GTF2E2: variants seen among roughly 807,000 people sequenced by gnomAD.
GTF2E2 encodes transcription initiation factor IIE subunit beta.
In GTF2E2, 21 loss-of-function variants were observed where a neutral mutation model predicts 40.5. The ratio of observed to expected loss-of-function variants is 0.52; its 90% CI spans 0.37 to 0.75. The LOEUF (loss-of-function observed/expected upper bound fraction) is 0.75, where lower values mean the gene tolerates loss of function less well. Among genes scored for constraint, GTF2E2 ranks in the 30% least tolerant of loss-of-function variants. The pLI is 0.00. For missense variants in GTF2E2, 298 were observed against 338.4 expected (o/e 0.88, Z 0.94); for synonymous variants, 117 against 121.6 (o/e 0.96, Z 0.25).
intron 5 of GTF2E2, among the ~76,000 whole-genome samples, chr8:30,608,796 C>T (rs1829396136): frequency 6.6e-6 from 1 of 152,218 alleles, no homozygotes; most frequent in African/African-American, 2.4e-5. Flanking sequence ...GTCAACCAGG[C>T]TGGAGTGCAG....
chr8:30,656,067 G>A (rs1802440854), intron 1 of GTF2E2, among the ~76,000 whole-genome samples: 1 of 152,036 alleles, frequency 6.6e-6, no homozygotes, highest in Admixed American at 6.6e-5. Context: ...GCCCACCTCA[G>A]CCTCCCAAAG....
chr8:30,603,169 T>C (rs1829229707), intron 6 of GTF2E2, among the ~76,000 whole-genome samples: 1 of 152,224 alleles, frequency 6.6e-6, no homozygotes, highest in Non-Finnish European at 1.5e-5. Context: ...CCATTAAATA[T>C]TTCTTGAATA....
At chr8:30,621,702 C>T (rs1161847296) in intron 3 of GTF2E2, among the ~76,000 whole-genome samples, 1 of 151,968 alleles carries the variant, frequency 6.6e-6, no homozygotes, top group Admixed American at 6.6e-5. Flanking sequence ...ATTTGGTAAC[C>T]TTACTGAATA....
intron 6 of GTF2E2, among the ~76,000 whole-genome samples, chr8:30,601,275 T>G (rs1829171472): frequency 6.6e-6 from 1 of 152,172 alleles, no homozygotes; most frequent in South Asian, 2.1e-4. Context: ...TCATTCACTG[T>G]GATCTTCTTC....
intron 3 of GTF2E2, among the ~76,000 whole-genome samples, chr8:30,617,450 A>C (rs1165246472): frequency 1.3e-5 from 2 of 152,126 alleles, no homozygotes; most frequent in Admixed American, 1.3e-4. Context: ...CAAGCTACAA[A>C]AGTTAGATAT....
chr8:30,606,840 T>G (rs1829329350), intron 6 of GTF2E2, among the ~76,000 whole-genome samples: 1 of 152,198 alleles, frequency 6.6e-6, no homozygotes, highest in African/African-American at 2.4e-5. Flanking sequence ...ACTGCGATTG[T>G]AAGTATAATT....
chr8:30,629,111 T>C (rs7818291), intron 3 of GTF2E2, among the ~76,000 whole-genome samples: 8,336 of 152,290 alleles, frequency 0.055, 396 homozygotes, highest in African/African-American at 0.13. Context: ...TATATTCATA[T>C]CTTATATTTG....
In GTF2E2 at chr8:30,645,458, T is replaced by C. The variant is rs188901748; in HGVS notation, c.166+7975A>G. 12,968 of 1,535,702 alleles carry C rather than the reference T, an allele frequency of 8.4e-3. 69 individuals are homozygous for C. The highest frequency in any genetic ancestry group is 0.01 in the Non-Finnish European group (11,716 of 1,146,890). ...TTTATATTTACAGTGGTATCTTTAG[T>C]GGTGCTGGCTTTCCTTTATGAAGTG... On this transcript the variant is annotated intron_variant, in intron 2 of 7. Transcript: ENST00000355904.
chr8:30,614,371 G>C (rs28735275), intron 4 of GTF2E2, among the ~76,000 whole-genome samples: 5,908 of 152,224 alleles, frequency 0.039, 393 homozygotes, highest in African/African-American at 0.13. Flanking sequence ...CTTGAGGTCA[G>C]GAGTTCAACA....
intron 1 of GTF2E2, among the ~76,000 whole-genome samples, chr8:30,654,255 T>G (rs925882979): frequency 6.6e-6 from 1 of 152,148 alleles, no homozygotes; most frequent in African/African-American, 2.4e-5. Flanking sequence ...ACCCACAAGA[T>G]TTCAAAGATT....
intron 3 of GTF2E2, among the ~76,000 whole-genome samples, chr8:30,621,594 A>G (rs1247742243): frequency 6.6e-6 from 1 of 152,120 alleles, no homozygotes; most frequent in Admixed American, 6.5e-5. Flanking sequence ...CTTCCTAATT[A>G]TTGGATGACT....
At chr8:30,591,461 G>A (rs958987850) in intron 6 of GTF2E2, among the ~76,000 whole-genome samples, 3 of 151,894 alleles carry the variant, frequency 2.0e-5, no homozygotes, top group African/African-American at 7.3e-5. Flanking sequence ...TCAAGCCCAG[G>A]AAACAGAGTG....
rs1489223640 is a variant in GTF2E2 at position 30,614,603 on chromosome 8, C to T, written c.366+5G>A. On this transcript the variant is annotated splice_donor_5th_base_variant and intron_variant, in intron 4 of 7. Transcript: ENST00000355904. ...ATCTCTCTTGATAATCAACTAAATTCTTACCTCAGTCATTAGCCATTGTTT... is the reference window on the plus strand; with the variant it reads ...ATCTCTCTTGATAATCAACTAAATTTTTACCTCAGTCATTAGCCATTGTTT... The T allele has an allele frequency of 1.5e-5, 21 of 1,440,090 alleles. No homozygotes were observed. The highest frequency in any genetic ancestry group is 1.7e-5 in the Non-Finnish European group (17 of 1,030,128). 89.2% of individuals were successfully genotyped at this position (1,440,090 alleles called of 1,614,324 possible).
At chr8:30,580,648 T>C (rs771235988) in intron 6 of GTF2E2, among the ~76,000 whole-genome samples, 15 of 152,152 alleles carry the variant, frequency 9.9e-5, no homozygotes, top group Non-Finnish European at 1.9e-4. Flanking sequence ...GCTGCCACAA[T>C]GAAGCCGCCC....
chr8:30,579,169 C>T (rs957740609), intron 7 of GTF2E2, 132 bp from the exon 8 acceptor site: 1 of 675,450 alleles, frequency 1.5e-6, no homozygotes, highest in African/African-American at 1.8e-5. Flanking sequence ...CTCTGCCACC[C>T]AGCAGCACAC....
At chr8:30,581,516 C>T (rs1456237140) in intron 6 of GTF2E2, among the ~76,000 whole-genome samples, 3 of 152,218 alleles carry the variant, frequency 2.0e-5, no homozygotes, top group Admixed American at 2.0e-4. Context: ...AATCGGTTTA[C>T]TGCCACCTAC....
chr8:30,654,288 T>C (rs1423535488), intron 1 of GTF2E2, among the ~76,000 whole-genome samples: 2 of 152,156 alleles, frequency 1.3e-5, no homozygotes, highest in Admixed American at 6.6e-5. Flanking sequence ...AAAAACTATT[T>C]AATTACTAAC....
intron 2 of GTF2E2, among the ~76,000 whole-genome samples, chr8:30,649,295 C>T (rs551111239): frequency 1.2e-4 from 18 of 151,962 alleles, no homozygotes; most frequent in South Asian, 8.3e-4. Flanking sequence ...TAAATAATTT[C>T]AGCTGTGAAT....
At chr8:30,641,635 G>A (rs1020740938) in intron 2 of GTF2E2, among the ~76,000 whole-genome samples, 5 of 152,140 alleles carry the variant, frequency 3.3e-5, no homozygotes, top group African/African-American at 4.8e-5. Context: ...CAGCACTTTT[G>A]GGAAGCCAAG....
Sources: allele counts gnomAD v4.1 joint callset (sites outside exome capture counted in the v4.1 genomes callset), GRCh38; gene constraint gnomAD v4.1.1; transcripts MANE v1.5; gene names NCBI Gene and HGNC (gene_info 2026-07-23, HGNC 2026-07-21).